DPYD: variants seen among roughly 807,000 people sequenced by gnomAD.
DPYD encodes the protein dihydropyrimidine dehydrogenase [NADP(+)].
A neutral mutation model predicts 116.2 loss-of-function variants in DPYD; 109 were observed. That is an observed-to-expected ratio of 0.94 (90% CI 0.80 to 1.10). The LOEUF (loss-of-function observed/expected upper bound fraction) is 1.10, where lower values mean the gene tolerates loss of function less well. Among genes scored for constraint, DPYD ranks in the 50% least tolerant of loss-of-function variants. DPYD has a pLI of 0.00. For synonymous variants in DPYD, 440 were observed against 432.0 expected (o/e 1.02, Z -0.23); for missense variants, 1,302 against 1,254.5 (o/e 1.04, Z -0.57).
chr1:97,351,446 A>G (rs1312115909), intron 16 of DPYD, among the ~76,000 whole-genome samples: 2 of 152,130 alleles, frequency 1.3e-5, no homozygotes, highest in Non-Finnish European at 2.9e-5. Flanking sequence ...AAAAAGGTAA[A>G]GGGCAGAATC....
At chr1:97,600,475 A>G (rs2102275786) in intron 8 of DPYD, among the ~76,000 whole-genome samples, 1 of 152,316 alleles carries the variant, frequency 6.6e-6, no homozygotes, top group East Asian at 1.9e-4. Context: ...ATCTTATAAA[A>G]TATCTTAAGG....
chr1:97,367,546 T>C (rs555441007), intron 16 of DPYD, among the ~76,000 whole-genome samples: 1 of 152,264 alleles, frequency 6.6e-6, no homozygotes, highest in South Asian at 2.1e-4. Context: ...ATGCATAGAA[T>C]TGAACAATAT....
intron 2 of DPYD, among the ~76,000 whole-genome samples, chr1:97,876,305 A>C (rs1364832854): frequency 6.6e-6 from 1 of 151,972 alleles, no homozygotes; most frequent in African/African-American, 2.4e-5. Context: ...CTGTGGAGAC[A>C]CTACTGGGTC....
At chr1:97,289,659 A>G (rs1331772401) in intron 18 of DPYD, among the ~76,000 whole-genome samples, 1 of 152,178 alleles carries the variant, frequency 6.6e-6, no homozygotes, top group Non-Finnish European at 1.5e-5. Flanking sequence ...AAAAACTCTC[A>G]ATAAATTAGG....
intron 3 of DPYD, chr1:97,774,980 G>A: frequency 3.1e-6 from 1 of 321,778 alleles, no homozygotes; most frequent in Non-Finnish European, 6.6e-6. Context: ...ACTGGAGTAG[G>A]GACAAAAAAA....
chr1:97,533,221 T>A (rs887637079), intron 12 of DPYD, among the ~76,000 whole-genome samples: 1 of 152,046 alleles, frequency 6.6e-6, no homozygotes, highest in African/African-American at 2.4e-5. Flanking sequence ...CTAAACCATA[T>A]CACTGAACTA....
intron 20 of DPYD, among the ~76,000 whole-genome samples, chr1:97,170,604 C>T (rs748437299): frequency 6.6e-6 from 1 of 152,130 alleles, no homozygotes; most frequent in South Asian, 2.1e-4. Context: ...CAGGTTTCTC[C>T]CCATTCCCTG....
intron 12 of DPYD, among the ~76,000 whole-genome samples, chr1:97,537,968 G>A (rs34934786): frequency 0.16 from 24,834 of 152,034 alleles, 2,166 homozygotes; most frequent in Admixed American, 0.22. Context: ...TTGGGAGGCT[G>A]AGGCCAGAGA....
intron 2 of DPYD, chr1:97,855,648 G>A (rs1209115504): frequency 6.6e-6 from 1 of 152,154 alleles, no homozygotes; most frequent in Non-Finnish European, 1.5e-5. Context: ...GAATGTTTCA[G>A]TTTTTAGGAG....
At chr1:97,235,574 A>C (rs535165743) in intron 18 of DPYD, among the ~76,000 whole-genome samples, 76 of 152,162 alleles carry the variant, frequency 5.0e-4, no homozygotes, top group African/African-American at 1.8e-3. Flanking sequence ...CAGTGAGCCG[A>C]GATCACACCA....
intron 18 of DPYD, among the ~76,000 whole-genome samples, chr1:97,235,556 G>A (rs539257268): frequency 6.6e-6 from 1 of 151,530 alleles, no homozygotes; most frequent in East Asian, 2.0e-4. Flanking sequence ...TCCACGAGGC[G>A]GAGGTTGCAG....
intron 14 of DPYD, among the ~76,000 whole-genome samples, chr1:97,384,830 A>G (rs924850626): frequency 2.6e-5 from 4 of 152,170 alleles, no homozygotes; most frequent in Non-Finnish European, 4.4e-5. Context: ...GTTCCGAAAT[A>G]TGGAAGCCAG....
rs571146379 is a variant in DPYD, at chr1:97,486,424, G to A, written c.1740+29302C>T. On this transcript the variant is annotated intron_variant, in intron 13 of 22. Transcript: ENST00000370192. ...GGCCTCCAAAACTTTATGACAGATC[G>A]TTCATAAGTTTCATGGTTCTAATGA... Among the ~76,000 whole-genome samples the A allele has an allele frequency of 2.0e-3, 309 of 152,186 alleles. 4 individuals are homozygous for A. The highest frequency in any genetic ancestry group is 6.9e-3 in the African/African-American group (286 of 41,524).
intron 4 of DPYD, among the ~76,000 whole-genome samples, chr1:97,723,965 G>T (rs1008652853): frequency 6.6e-5 from 10 of 151,482 alleles, no homozygotes. Flanking sequence ...GAACATACAA[G>T]AAGGATTTAT....
intron 18 of DPYD, among the ~76,000 whole-genome samples, chr1:97,267,481 C>T (rs1308895740): frequency 6.6e-6 from 1 of 152,078 alleles, no homozygotes; most frequent in Non-Finnish European, 1.5e-5. Flanking sequence ...AATCCAAGGT[C>T]AAGGGGCCTG....
chr1:97,622,641 T>C (rs1656697804), intron 8 of DPYD, among the ~76,000 whole-genome samples: 1 of 151,996 alleles, frequency 6.6e-6, no homozygotes, highest in African/African-American at 2.4e-5. Context: ...TATACTAATG[T>C]AAGGTGCTAA....
At chr1:97,825,778 A>T (rs998047066) in intron 3 of DPYD, among the ~76,000 whole-genome samples, 1 of 152,154 alleles carries the variant, frequency 6.6e-6, no homozygotes, top group Admixed American at 6.6e-5. Flanking sequence ...TAATAAAAAA[A>T]AAAGAAAGAA....
chr1:97,848,776 T>C (rs1347869336), intron 2 of DPYD, among the ~76,000 whole-genome samples: 2 of 152,152 alleles, frequency 1.3e-5, no homozygotes, highest in South Asian at 4.1e-4. Flanking sequence ...GAAGCTCAAA[T>C]AAAGAACAAA....
At chr1:97,834,231 C>T (rs1260267286) in intron 2 of DPYD, among the ~76,000 whole-genome samples, 1 of 151,950 alleles carries the variant, frequency 6.6e-6, no homozygotes, top group Non-Finnish European at 1.5e-5. Context: ...AAAAAAGACA[C>T]AAAAGTCAAT....
Sources: allele counts gnomAD v4.1 joint callset (sites outside exome capture counted in the v4.1 genomes callset), GRCh38; gene constraint gnomAD v4.1.1; transcripts MANE v1.5; gene names NCBI Gene and HGNC (gene_info 2026-07-23, HGNC 2026-07-21).